CACNA1E: variants seen among roughly 807,000 people sequenced by gnomAD.
CACNA1E encodes the protein voltage-dependent R-type calcium channel subunit alpha-1E.
In CACNA1E, 40 loss-of-function variants were observed where a neutral mutation model predicts 259.2. That is an observed-to-expected ratio of 0.15 (90% confidence interval 0.12 to 0.20). The LOEUF is 0.20. Among genes scored for constraint, CACNA1E ranks in the 10% least tolerant of loss-of-function variants. CACNA1E has a pLI of 1.00. For synonymous variants in CACNA1E, 1,104 were observed against 1,138.5 expected (o/e 0.97, Z 0.61); for missense variants, 1,874 against 3,040.1 (o/e 0.62, Z 9.02).
chr1:181,463,989 G>A (rs1285429052), intron 2 of CACNA1E, among the ~76,000 whole-genome samples: 1 of 151,974 alleles, frequency 6.6e-6, no homozygotes, highest in Non-Finnish European at 1.5e-5. Flanking sequence ...TATAGTGTGA[G>A]GTGGGCTCTA....
At chr1:181,747,022 T>C (rs1241656548) in intron 25 of CACNA1E, among the ~76,000 whole-genome samples, 1 of 152,372 alleles carries the variant, frequency 6.6e-6, no homozygotes, top group East Asian at 1.9e-4. Context: ...AGTAATTGTA[T>C]AATAAATGAT....
chr1:181,766,492 G>C lies in CACNA1E; in HGVS notation c.4816-54G>C, dbSNP rs1659036186. On this transcript the variant is annotated intron_variant, in intron 34 of 47. Transcript: ENST00000367573. ...GTACTGCCGGTGACTGCAGGTTGTT[G>C]AGCTTGGGTGCTGCTTTTCTTTGAT... 3 of 1,359,998 alleles carry C rather than the reference G, an allele frequency of 2.2e-6. No homozygotes were observed. The South Asian group carries it at 3.6e-5, about 16-fold the overall frequency. 84.2% of individuals were successfully genotyped at this position (1,359,998 alleles called of 1,614,324 possible).
At chr1:181,326,919 A>ACCTGC (rs1482944513) in intron 1 of CACNA1E, among the ~76,000 whole-genome samples, 16 of 152,028 alleles carry the variant, frequency 1.1e-4, no homozygotes, top group African/African-American at 3.6e-4. Context: ...TCATCACCTG[A>ACCTGC]CCTGCCCTCA....
At chr1:181,367,985 C>G (rs1193668412) in intron 1 of CACNA1E, among the ~76,000 whole-genome samples, 2 of 152,174 alleles carry the variant, frequency 1.3e-5, no homozygotes, top group African/African-American at 4.8e-5. Flanking sequence ...AATCCCAGCA[C>G]TTTGGGAGGC....
chr1:181,704,539 G>T (rs1333078629), intron 7 of CACNA1E, among the ~76,000 whole-genome samples: 1 of 152,148 alleles, frequency 6.6e-6, no homozygotes, highest in African/African-American at 2.4e-5. Flanking sequence ...CTGAAACATG[G>T]ACTCTGAAGA....
At chr1:181,759,395 CTGTG>C (rs10677275) in intron 32 of CACNA1E, among the ~76,000 whole-genome samples, 63 of 146,980 alleles carry the variant, frequency 4.3e-4, no homozygotes, top group South Asian at 1.1e-3. Context: ...AGGGGTGTGT[CTGTG>C]TGTGTGTGTG....
intron 3 of CACNA1E, among the ~76,000 whole-genome samples, chr1:181,553,444 G>A (rs1648397839): frequency 6.6e-6 from 1 of 152,192 alleles, no homozygotes; most frequent in Admixed American, 6.5e-5. Flanking sequence ...TATGTCATCT[G>A]CAAACAGAGA....
intron 8 of CACNA1E, 118 bp downstream of exon 8, chr1:181,711,187 G>C: frequency 1.4e-6 from 1 of 705,568 alleles, no homozygotes; most frequent in East Asian, 2.6e-5. Context: ...GAGACACTCT[G>C]GATGCTTGGT....
At chr1:181,564,408 C>T (rs943908635) in intron 3 of CACNA1E, among the ~76,000 whole-genome samples, 1 of 152,178 alleles carries the variant, frequency 6.6e-6, no homozygotes, top group African/African-American at 2.4e-5. Flanking sequence ...AGAAGCAGTT[C>T]TTACTGTGAA....
chr1:181,442,706 T>G (rs960983154), intron 2 of CACNA1E, among the ~76,000 whole-genome samples: 1 of 152,164 alleles, frequency 6.6e-6, no homozygotes, highest in African/African-American at 2.4e-5. Flanking sequence ...TCCTGGTTCT[T>G]TGTGTTCAGA....
chr1:181,753,992 CT>C (rs1448059031), intron 27 of CACNA1E, among the ~76,000 whole-genome samples: 15 of 152,184 alleles, frequency 9.9e-5, no homozygotes, highest in Non-Finnish European at 2.2e-4. Flanking sequence ...GCCTTCCCCC[CT>C]GGAGGAAGCA....
intron 2 of CACNA1E, among the ~76,000 whole-genome samples, chr1:181,427,547 C>T: frequency 6.8e-6 from 1 of 147,580 alleles, no homozygotes; most frequent in South Asian, 2.2e-4. Context: ...CAACCCCTCC[C>T]CAACTTCAAC....
intron 6 of CACNA1E, among the ~76,000 whole-genome samples, chr1:181,644,363 A>G (rs1235737753): frequency 1.3e-5 from 2 of 152,134 alleles, no homozygotes; most frequent in Non-Finnish European, 2.9e-5. Flanking sequence ...TTCCTCTCCT[A>G]TGGAATGATG....
At chr1:181,334,124 C>T (rs752006045) in intron 1 of CACNA1E, among the ~76,000 whole-genome samples, 13 of 152,184 alleles carry the variant, frequency 8.5e-5, no homozygotes, top group Non-Finnish European at 1.3e-4. Flanking sequence ...TTGCTAAATC[C>T]AGCAGTCAAC....
chr1:181,654,905 A>AC (rs749772094), intron 7 of CACNA1E, among the ~76,000 whole-genome samples: 1 of 148,246 alleles, frequency 6.7e-6, no homozygotes, highest in Non-Finnish European at 1.5e-5. Flanking sequence ...AATGGCGTGA[A>AC]CCCCAGGGGG....
chr1:181,773,306 G>A (rs1212489401), intron 37 of CACNA1E, among the ~76,000 whole-genome samples: 3 of 152,152 alleles, frequency 2.0e-5, no homozygotes, highest in East Asian at 3.8e-4. Flanking sequence ...GGCAGCCCAC[G>A]CAGTAGTCTT....
At chr1:181,788,810 G>A (rs1661057715) in intron 43 of CACNA1E, among the ~76,000 whole-genome samples, 1 of 152,162 alleles carries the variant, frequency 6.6e-6, no homozygotes, top group African/African-American at 2.4e-5. Context: ...GATTCCAAGG[G>A]TCCTCTCCCT....
chr1:181,562,605 T>C (rs903316994), intron 3 of CACNA1E, among the ~76,000 whole-genome samples: 10 of 152,174 alleles, frequency 6.6e-5, no homozygotes, highest in African/African-American at 1.4e-4. Context: ...CTTTCGGAGG[T>C]CACGAGTTAA....
chr1:181,531,373 C>T (rs146876880), intron 3 of CACNA1E, among the ~76,000 whole-genome samples: 14 of 152,304 alleles, frequency 9.2e-5, no homozygotes, highest in Middle Eastern at 3.4e-3. Flanking sequence ...GCATTTGTGT[C>T]CCCTCTGTGT....
Sources: gnomAD v4.1 joint callset for allele counts (sites outside exome capture counted in the v4.1 genomes callset) on GRCh38, gnomAD v4.1.1 for gene constraint, MANE v1.5 for transcripts, NCBI Gene and HGNC (gene_info 2026-07-23, HGNC 2026-07-21) for gene names.